The following SMIM27 variants were observed in gnomAD, a reference collection of about 807,000 sequenced individuals.
SMIM27 encodes transition zone microprotein 1, also known as TOPORS antisense RNA 1 (non-protein coding).
In SMIM27, 3 loss-of-function variants were observed where a neutral mutation model predicts 1.8. That is an observed-to-expected ratio of 1.65 (90% CI 0.75 to 4.28). The LOEUF (loss-of-function observed/expected upper bound fraction) is 4.28. Among genes scored for constraint, SMIM27 ranks in the 30% most tolerant of loss-of-function variants. The probability of loss-of-function intolerance (pLI) is 0.02; values close to 1 mark genes in which losing one functional copy is unlikely to be tolerated. For missense variants in SMIM27, 63 were observed against 37.0 expected, an observed-to-expected ratio of 1.70 and a Z score of -1.83; for synonymous variants, 19 against 13.9, an observed-to-expected ratio of 1.37 and a Z score of -0.82.
rs1333048382 is a variant in SMIM27, at chr9:32,552,415, A to G, written c.-20A>G. On this transcript the variant is annotated 5_prime_UTR_variant, in exon 1 of 2. Transcript: ENST00000692500. ...CCGCAGCTCCCGCCAGCTCCCGCGGACTGCTGCCGCCTCCTTACCATGAAG... is the reference window on the plus strand; with the variant it reads ...CCGCAGCTCCCGCCAGCTCCCGCGGGCTGCTGCCGCCTCCTTACCATGAAG... 6.2e-7 allele frequency: 1 copy of G among 1,609,132 alleles called. No homozygotes were observed. The highest frequency in any genetic ancestry group is 1.3e-5 in the African/African-American group (1 of 74,994).
upstream of SMIM27, among the ~76,000 whole-genome samples, chr9:32,552,013 AAGCGTTAATTCTTCC>A (rs1400470681): frequency 1.2e-4 from 18 of 152,122 alleles, no homozygotes; most frequent in African/African-American, 4.3e-4. Flanking sequence ...GCGGGGGAGA[AAGCGTTAATTCTTCC>A]AGCTTTAGAG....
At chr9:32,553,258 G>A (rs930616345), downstream of SMIM27, 2 of 196,146 alleles carry the variant, frequency 1.0e-5, no homozygotes, top group Non-Finnish European at 1.0e-5. Context: ...GCACTATCTC[G>A]GCTTACTGCA....
downstream of SMIM27, among the ~76,000 whole-genome samples, chr9:32,554,347 G>A (rs759406133): frequency 2.0e-5 from 3 of 152,216 alleles, no homozygotes; most frequent in African/African-American, 7.2e-5. Context: ...CCAGTTTTCT[G>A]ATTGGCTTAC....
intron 1 of SMIM27, 78 bp from the exon 2 acceptor site, chr9:32,552,723 C>A: frequency 1.5e-6 from 1 of 673,502 alleles, no homozygotes; most frequent in South Asian, 1.6e-5. Flanking sequence ...CCCACCTTAG[C>A]AATGGCAACG....
At chr9:32,558,349 G>A (rs981409280) in intron 1 of SMIM27, among the ~76,000 whole-genome samples, 3 of 152,088 alleles carry the variant, frequency 2.0e-5, no homozygotes, top group Non-Finnish European at 2.9e-5. Flanking sequence ...CTGACCTCAC[G>A]ATCCACCCAT....
downstream of SMIM27, chr9:32,553,104 A>G (rs1342019654): frequency 2.0e-6 from 1 of 506,228 alleles, no homozygotes; most frequent in African/African-American, 2.0e-5. Flanking sequence ...GACAAAATTA[A>G]CAGCAACCTA....
upstream of SMIM27, chr9:32,551,649 C>T (rs1256951242): frequency 1.0e-5 from 3 of 285,742 alleles, no homozygotes; most frequent in Non-Finnish European, 2.3e-5. Context: ...TTCTACTCCT[C>T]AGGCCTCAAA....
chr9:32,553,199 CTTTTTT>C (rs539102970), downstream of SMIM27: 693 of 225,636 alleles, frequency 3.1e-3, 3 homozygotes, highest in Middle Eastern at 0.012. Flanking sequence ...ATTCGGAAAG[CTTTTTT>C]TTTTTTTGAG....
chr9:32,551,770 CAACA>C (rs761137693), upstream of SMIM27: 36 of 450,916 alleles, frequency 8.0e-5, no homozygotes, highest in Middle Eastern at 3.3e-4. Context: ...CAGACACGCT[CAACA>C]AACACTTGTT....
At chr9:32,557,189 G>C (rs971337168), downstream of SMIM27, among the ~76,000 whole-genome samples, 2 of 132,440 alleles carry the variant, frequency 1.5e-5, no homozygotes, top group African/African-American at 3.0e-5. Context: ...TCCCGAGACA[G>C]AGTCTCACTC....
intron 1 of SMIM27, chr9:32,558,958 T>C (rs1563992915): frequency 6.3e-7 from 1 of 1,575,724 alleles, no homozygotes; most frequent in South Asian, 1.1e-5. Context: ...GTTTTTCCTG[T>C]AATAAAAGTT....
intron 1 of SMIM27, among the ~76,000 whole-genome samples, chr9:32,559,920 T>C (rs867503146): frequency 2.0e-5 from 3 of 152,190 alleles, no homozygotes; most frequent in Non-Finnish European, 4.4e-5. Context: ...ACATAAGTAA[T>C]TGTTGAATAC....
intron 1 of SMIM27, among the ~76,000 whole-genome samples, chr9:32,562,091 C>A (rs1451608984): frequency 2.6e-5 from 4 of 152,202 alleles, no homozygotes; most frequent in African/African-American, 9.6e-5. Context: ...GTCAACAGAC[C>A]TTCCATTCTA....
At chr9:32,553,155 C>T, downstream of SMIM27, 1 of 397,282 alleles carries the variant, frequency 2.5e-6, no homozygotes, top group Non-Finnish European at 4.5e-6. Flanking sequence ...TTGGAATAAG[C>T]TTTTCAATCA....
intron 1 of SMIM27, among the ~76,000 whole-genome samples, chr9:32,558,116 C>CGTTTTTTTTTT (rs1563992291): frequency 1.2e-5 from 1 of 86,528 alleles, no homozygotes; most frequent in African/African-American, 3.7e-5. Flanking sequence ...TCATAGTATA[C>CGTTTTTTTTTT]ATTTTTTTTT....
Position 32,559,059 on chromosome 9 carries a change from A to G in SMIM27, c.45+6580A>G, listed in dbSNP as rs1821555815. ...TTTAACTTAAGCTCCAAACTTTCAC[A>G]GAACTCCAGATTCACATATCCAACT... On this transcript the variant is annotated intron_variant, in intron 1 of 1. Coordinates refer to the SMIM27 transcript ENST00000451672. 5 of 686,414 alleles carry G rather than the reference A, an allele frequency of 7.3e-6. No individual in the cohort carries two copies. In the South Asian group the frequency reaches 1.0e-4, roughly 14 times the overall value. 42.5% of individuals were successfully genotyped at this position (686,414 alleles called of 1,614,324 possible). A position where few individuals can be genotyped will look rare whatever the true frequency, so the allele number is the denominator to read the frequency against.
chr9:32,560,409 G>T (rs866530986), intron 1 of SMIM27, among the ~76,000 whole-genome samples: 3 of 152,152 alleles, frequency 2.0e-5, no homozygotes, highest in African/African-American at 7.2e-5. Flanking sequence ...CCAGAAAAAT[G>T]TAGTTAAATT....
upstream of SMIM27, chr9:32,551,670 CCAAA>C (rs1415971926): frequency 3.6e-6 from 1 of 279,172 alleles, no homozygotes; most frequent in South Asian, 2.8e-5. Flanking sequence ...TGTGAGCGCC[CCAAA>C]CATTCTAGAG....
At chr9:32,566,640 CAGG>C in exon 2 of SMIM27, 1 of 794,804 alleles carries the variant, frequency 1.3e-6, no homozygotes, top group Non-Finnish European at 2.3e-6. Flanking sequence ...CATGGAGGAG[CAGG>C]AGCTCACCTC....
Sources: gnomAD v4.1 joint callset for allele counts (sites outside exome capture counted in the v4.1 genomes callset) on GRCh38, gnomAD v4.1.1 for gene constraint, MANE v1.5 for transcripts, NCBI Gene and HGNC (gene_info 2026-07-23, HGNC 2026-07-21) for gene names.